SLC8A1: variants seen among roughly 807,000 people sequenced by gnomAD.
SLC8A1 encodes solute carrier family 8 member A1.
SLC8A1 carries 18 observed loss-of-function variants against 68.3 expected under a neutral mutation model. The observed-to-expected ratio is 0.26, with a 90% CI of 0.18 to 0.39. The LOEUF is 0.39. Among genes scored for constraint, SLC8A1 ranks in the 10% least tolerant of loss-of-function variants. The pLI is 1.00. For synonymous variants in SLC8A1, 475 were observed against 415.5 expected (o/e 1.14, Z -1.74); for missense variants, 985 against 1,156.7 (o/e 0.85, Z 2.15).
intron 2 of SLC8A1, among the ~76,000 whole-genome samples, chr2:40,218,621 A>C (rs969383559): frequency 2.6e-5 from 4 of 152,184 alleles, no homozygotes; most frequent in Admixed American, 6.5e-5. Flanking sequence ...CAAAGGGAAA[A>C]AAAAGGAGGC....
At chr2:40,171,910 C>T (rs1037625802) in intron 4 of SLC8A1, among the ~76,000 whole-genome samples, 1 of 152,216 alleles carries the variant, frequency 6.6e-6, no homozygotes, top group Non-Finnish European at 1.5e-5. Flanking sequence ...TCCAAAAGCA[C>T]CTCCAACACT....
chr2:40,489,542 G>A (rs116014340), intron 1 of SLC8A1, among the ~76,000 whole-genome samples: 1,829 of 152,240 alleles, frequency 0.012, 14 homozygotes, highest in Middle Eastern at 0.027. Context: ...TACCAACGCA[G>A]TTCTTCCCAG....
At chr2:40,143,107 C>T (rs1573076106) in intron 6 of SLC8A1, among the ~76,000 whole-genome samples, 1 of 152,148 alleles carries the variant, frequency 6.6e-6, no homozygotes, top group Non-Finnish European at 1.5e-5. Flanking sequence ...GGCCTCCCAT[C>T]CTTTTCTCTG....
chr2:40,256,798 TC>T (rs2063999094), intron 2 of SLC8A1, among the ~76,000 whole-genome samples: 1 of 152,284 alleles, frequency 6.6e-6, no homozygotes, highest in African/African-American at 2.4e-5. Context: ...CAAGGGTACT[TC>T]CTGCATCCAC....
intron 2 of SLC8A1, among the ~76,000 whole-genome samples, chr2:40,214,489 CT>C (rs2057143388): frequency 6.7e-6 from 1 of 149,938 alleles, no homozygotes; most frequent in African/African-American, 2.5e-5. Context: ...GTCTCCTGGG[CT>C]GGAGTGCAAT....
chr2:40,468,798 G>A (rs912093697), intron 1 of SLC8A1, among the ~76,000 whole-genome samples: 1 of 152,020 alleles, frequency 6.6e-6, no homozygotes, highest in African/African-American at 2.4e-5. Context: ...TTCCTGGGCT[G>A]GGTGTGGTGG....
intron 2 of SLC8A1, among the ~76,000 whole-genome samples, chr2:40,216,474 T>G (rs139641223): frequency 2.9e-3 from 443 of 152,330 alleles, no homozygotes; most frequent in South Asian, 7.5e-3. Flanking sequence ...CATGTGCATG[T>G]GTCTTTATAG....
At chr2:40,315,807 A>T (rs947646407) in intron 2 of SLC8A1, among the ~76,000 whole-genome samples, 1 of 152,026 alleles carries the variant, frequency 6.6e-6, no homozygotes, top group Non-Finnish European at 1.5e-5. Flanking sequence ...TAAGTTCTTT[A>T]TAGCCTTTGG....
chr2:40,170,922 T>C (rs2047374483), intron 4 of SLC8A1, among the ~76,000 whole-genome samples: 1 of 152,178 alleles, frequency 6.6e-6, no homozygotes, highest in Non-Finnish European at 1.5e-5. Context: ...CAGAATGTTA[T>C]GTACGCCTGT....
At chr2:40,380,527 T>G (rs1029841215) in intron 2 of SLC8A1, among the ~76,000 whole-genome samples, 1 of 152,114 alleles carries the variant, frequency 6.6e-6, no homozygotes, top group Admixed American at 6.6e-5. Flanking sequence ...TGCAAAATCA[T>G]TTTTGATTTG....
intron 4 of SLC8A1, among the ~76,000 whole-genome samples, chr2:40,167,815 A>G (rs1228892849): frequency 2.6e-5 from 4 of 152,232 alleles, no homozygotes. Context: ...CGTTGTGTGT[A>G]TAGACCATGG....
chr2:40,225,108 A>G (rs1005259664), intron 2 of SLC8A1, among the ~76,000 whole-genome samples: 3 of 152,134 alleles, frequency 2.0e-5, no homozygotes, highest in East Asian at 1.9e-4. Flanking sequence ...AGGACTTCCA[A>G]CTGTATCCCA....
At chr2:40,164,445 A>G (rs914451235) in intron 5 of SLC8A1, among the ~76,000 whole-genome samples, 2 of 152,196 alleles carry the variant, frequency 1.3e-5, no homozygotes, top group African/African-American at 4.8e-5. Flanking sequence ...CCTGCAAAAC[A>G]AAAGCCTCCT....
At chr2:40,434,597 G>C (rs961049811) in intron 1 of SLC8A1, among the ~76,000 whole-genome samples, 2 of 152,088 alleles carry the variant, frequency 1.3e-5, no homozygotes, top group Non-Finnish European at 2.9e-5. Flanking sequence ...CTTATATTCT[G>C]CCTTAATTTA....
intron 2 of SLC8A1, among the ~76,000 whole-genome samples, chr2:40,420,311 C>T (rs1196158434): frequency 2.0e-5 from 3 of 151,454 alleles, no homozygotes; most frequent in African/African-American, 7.3e-5. Context: ...ATAGCATCCC[C>T]TGATACTAAT....
chr2:40,264,060 G>A (rs938911318), intron 2 of SLC8A1, among the ~76,000 whole-genome samples: 1 of 152,216 alleles, frequency 6.6e-6, no homozygotes, highest in Non-Finnish European at 1.5e-5. Context: ...GACACTTCTT[G>A]CAAGAAGACA....
At chr2:40,262,663 G>C (rs769498797) in intron 2 of SLC8A1, among the ~76,000 whole-genome samples, 1 of 152,094 alleles carries the variant, frequency 6.6e-6, no homozygotes, top group East Asian at 1.9e-4. Flanking sequence ...ATTGCACTAG[G>C]AACTGTTCTT....
intron 2 of SLC8A1, among the ~76,000 whole-genome samples, chr2:40,420,719 C>T (rs1236413456): frequency 6.6e-6 from 1 of 152,154 alleles, no homozygotes; most frequent in Non-Finnish European, 1.5e-5. Flanking sequence ...TAAATGACTG[C>T]TCTAGTTTCT....
intron 2 of SLC8A1, among the ~76,000 whole-genome samples, chr2:40,414,663 A>G (rs1265286794): frequency 6.6e-6 from 1 of 152,144 alleles, no homozygotes; most frequent in Non-Finnish European, 1.5e-5. Flanking sequence ...TTGGAGGTTT[A>G]TTCATTGCTT....
Sources: allele counts gnomAD v4.1 joint callset (sites outside exome capture counted in the v4.1 genomes callset), GRCh38; gene constraint gnomAD v4.1.1; transcripts MANE v1.5; gene names NCBI Gene and HGNC (gene_info 2026-07-23, HGNC 2026-07-21).